KCNMA1: variants seen among roughly 807,000 people sequenced by gnomAD.
KCNMA1 encodes potassium calcium-activated channel subfamily M alpha 1.
Under a neutral mutation model 140.0 loss-of-function variants are expected in KCNMA1, and 29 were observed. The ratio of observed to expected loss-of-function variants is 0.21; its 90% CI spans 0.15 to 0.28. KCNMA1 has a LOEUF of 0.28. KCNMA1 is among the 10% of genes least tolerant of loss of function. The probability of loss-of-function intolerance (pLI) is 1.00; values close to 1 mark genes in which losing one functional copy is unlikely to be tolerated. For synonymous variants in KCNMA1, 612 were observed against 611.9 expected, an observed-to-expected ratio of 1.00 and a Z score of 0.00; for missense variants, 880 against 1,602.2, an observed-to-expected ratio of 0.55 and a Z score of 7.70.
intron 1 of KCNMA1, among the ~76,000 whole-genome samples, chr10:77,556,673 A>C (rs897326002): frequency 1.3e-5 from 2 of 152,134 alleles, no homozygotes; most frequent in African/African-American, 4.8e-5. Context: ...TGGCCCAGAC[A>C]CACCCAGAAC....
chr10:77,464,610 TG>T (rs1367833947), intron 1 of KCNMA1, among the ~76,000 whole-genome samples: 3 of 152,074 alleles, frequency 2.0e-5, no homozygotes, highest in Non-Finnish European at 4.4e-5. Context: ...ACTTGAGAAA[TG>T]TGGCTTCTGG....
chr10:77,136,895 A>T (rs1157306439), intron 5 of KCNMA1, among the ~76,000 whole-genome samples: 1 of 152,188 alleles, frequency 6.6e-6, no homozygotes, highest in East Asian at 1.9e-4. Context: ...CACATGCAAG[A>T]TTCAGTCACA....
At chr10:77,148,843 C>T (rs745830593) in intron 5 of KCNMA1, among the ~76,000 whole-genome samples, 2 of 152,150 alleles carry the variant, frequency 1.3e-5, no homozygotes, top group East Asian at 1.9e-4. Context: ...AGTTGGTCAA[C>T]CTCTGATGTA....
intron 5 of KCNMA1, among the ~76,000 whole-genome samples, chr10:77,155,806 T>C (rs1391445743): frequency 1.3e-5 from 2 of 152,132 alleles, no homozygotes; most frequent in African/African-American, 4.8e-5. Flanking sequence ...CAGAAGAGAA[T>C]GTCACAAAAC....
intron 3 of KCNMA1, among the ~76,000 whole-genome samples, chr10:77,204,380 T>A (rs1375002401): frequency 6.6e-6 from 1 of 152,116 alleles, no homozygotes; most frequent in Non-Finnish European, 1.5e-5. Flanking sequence ...TAGTTAAAAT[T>A]CCACAGGAGA....
In KCNMA1 at chr10:77,110,085, A is replaced by C. The variant is rs565341604; in HGVS notation, c.1131+88T>G. 13 of 1,148,854 alleles carry C rather than the reference A, an allele frequency of 1.1e-5. No homozygotes were observed. The Admixed American group carries it at 2.2e-4, about 20-fold the overall frequency. The allele number at this position is 1,148,854 out of a possible 1,614,324, so 71.2% of individuals were successfully genotyped here. On this transcript the variant is annotated intron_variant, in intron 8 of 27. Transcript: ENST00000286628. ...AAGGCTTGCTTCTAGTGCAGAATAC[A>C]GTCTAAAATACAAAGCTTTAAGGAA...
At chr10:77,351,369 G>T (rs370287693) in intron 2 of KCNMA1, among the ~76,000 whole-genome samples, 1 of 152,170 alleles carries the variant, frequency 6.6e-6, no homozygotes, top group Non-Finnish European at 1.5e-5. Context: ...CTGATTTGTG[G>T]AAAATTCTAT....
chr10:76,937,658 T>C (rs181918815), intron 23 of KCNMA1, among the ~76,000 whole-genome samples: 3 of 152,316 alleles, frequency 2.0e-5, no homozygotes, highest in African/African-American at 7.2e-5. Flanking sequence ...AGAAATCACA[T>C]TTTCTTCTTT....
intron 2 of KCNMA1, among the ~76,000 whole-genome samples, chr10:77,270,222 T>G (rs975741207): frequency 6.6e-6 from 1 of 152,204 alleles, no homozygotes; most frequent in African/African-American, 2.4e-5. Context: ...AGAGACTCTC[T>G]AACTCCAACT....
At chr10:77,019,664 T>A (rs1042934588) in intron 16 of KCNMA1, 3 of 153,146 alleles carry the variant, frequency 2.0e-5, no homozygotes, top group African/African-American at 4.8e-5. Flanking sequence ...GGAAATTGAT[T>A]CCATGTACAG....
chr10:77,543,109 T>C (rs996995600), intron 1 of KCNMA1, among the ~76,000 whole-genome samples: 3 of 152,086 alleles, frequency 2.0e-5, no homozygotes, highest in Non-Finnish European at 4.4e-5. Flanking sequence ...CAACGCTTAA[T>C]TGAGGGGATC....
intron 1 of KCNMA1, among the ~76,000 whole-genome samples, chr10:77,452,922 G>T (rs186085163): frequency 1.1e-3 from 172 of 152,294 alleles, no homozygotes; most frequent in Admixed American, 3.7e-3. Flanking sequence ...ATTTAAGGGT[G>T]AGCAGATGTG....
rs546280739 is a variant in KCNMA1, at chr10:77,542,598, G to A, written c.378+94667C>T. On this transcript the variant is annotated intron_variant, in intron 1 of 27. Coordinates refer to ENST00000286628, the MANE Select transcript of KCNMA1 (RefSeq NM_001161352.2). Reference sequence around the variant, plus strand: ...GAAATTGTATTTTTTTAAAAGATACGCAGGGAGGCTTTTGGAGAAAGATGG... The same window carrying A: ...GAAATTGTATTTTTTTAAAAGATACACAGGGAGGCTTTTGGAGAAAGATGG... Among the ~76,000 whole-genome samples, 49 of 152,254 alleles carry A rather than the reference G, an allele frequency of 3.2e-4. No homozygotes were observed. The South Asian group carries it at 9.3e-3, about 29-fold the overall frequency.
chr10:77,383,235 C>T (rs2095488217), intron 2 of KCNMA1, among the ~76,000 whole-genome samples: 1 of 151,710 alleles, frequency 6.6e-6, no homozygotes, highest in Non-Finnish European at 1.5e-5. Context: ...CTGGGCAGAC[C>T]TCGATTAGTC....
chr10:77,495,726 T>C (rs4531406), intron 1 of KCNMA1, among the ~76,000 whole-genome samples: 1 of 152,108 alleles, frequency 6.6e-6, no homozygotes, highest in Non-Finnish European at 1.5e-5. Flanking sequence ...TGGGCCACCA[T>C]ACTGGTGACT....
intron 1 of KCNMA1, among the ~76,000 whole-genome samples, chr10:77,448,267 T>C (rs2097565537): frequency 6.6e-6 from 1 of 152,154 alleles, no homozygotes. Flanking sequence ...GCCTTGTGAT[T>C]CCATCGGCTC....
downstream of KCNMA1, chr10:76,884,817 AAAAT>A: frequency 3.8e-6 from 4 of 1,045,192 alleles, no homozygotes; most frequent in South Asian, 2.3e-5. Flanking sequence ...AAAGCAAAAC[AAAAT>A]AAATAAAACC....
intron 1 of KCNMA1, among the ~76,000 whole-genome samples, chr10:77,530,384 T>TA (rs1317126007): frequency 2.6e-5 from 4 of 152,172 alleles, no homozygotes; most frequent in African/African-American, 9.7e-5. Flanking sequence ...TTCCCTTTTG[T>TA]AAAAAAATTG....
At chr10:77,347,827 T>C (rs1320097421) in intron 2 of KCNMA1, among the ~76,000 whole-genome samples, 1 of 152,200 alleles carries the variant, frequency 6.6e-6, no homozygotes, top group Non-Finnish European at 1.5e-5. Flanking sequence ...CTACCATATA[T>C]AGAATACATT....
Sources: gnomAD v4.1 joint callset for allele counts (sites outside exome capture counted in the v4.1 genomes callset) on GRCh38, gnomAD v4.1.1 for gene constraint, MANE v1.5 for transcripts, NCBI Gene and HGNC (gene_info 2026-07-23, HGNC 2026-07-21) for gene names.